RAB6A: variants seen among roughly 807,000 people sequenced by gnomAD.
The protein encoded by RAB6A is RAB6A, member RAS oncogene family.
In RAB6A, 8 loss-of-function variants were observed where a neutral mutation model predicts 32.3. The ratio of observed to expected loss-of-function variants is 0.25; its 90% CI spans 0.15 to 0.45. The LOEUF (loss-of-function observed/expected upper bound fraction) is 0.45, where lower values mean the gene tolerates loss of function less well. Ranked by LOEUF, RAB6A falls within the 20% of genes least tolerant of loss-of-function variation. The pLI is 1.00. For missense variants in RAB6A, 104 were observed against 249.4 expected (o/e 0.42, Z 3.93); for synonymous variants, 73 against 82.1 (o/e 0.89, Z 0.60).
At chr11:73,695,379 G>GT (rs71469463) in intron 6 of RAB6A, among the ~76,000 whole-genome samples, 88,858 of 147,146 alleles carry the variant, frequency 0.6, 28,173 homozygotes, top group Admixed American at 0.71. Flanking sequence ...CAGTTTTTTT[G>GT]TTTTTTTTTT....
chr11:73,691,359 G>A (rs1945559817), intron 6 of RAB6A, among the ~76,000 whole-genome samples: 1 of 152,090 alleles, frequency 6.6e-6, no homozygotes, highest in Non-Finnish European at 1.5e-5. Flanking sequence ...TTTTTTGTAG[G>A]GATGGGGGTC....
intron 6 of RAB6A, among the ~76,000 whole-genome samples, chr11:73,707,169 T>C (rs1051280461): frequency 1.5e-4 from 22 of 145,092 alleles, no homozygotes; most frequent in African/African-American, 5.1e-4. Context: ...TTTAAAGCAA[T>C]GTAGTAGGAA....
In RAB6A at chr11:73,747,501, G is replaced by A. The variant is rs1028325778; in HGVS notation, c.70+13065C>T. On this transcript the variant is annotated intron_variant, in intron 1 of 7. Coordinates refer to ENST00000336083, the MANE Select transcript of RAB6A (RefSeq NM_198896.2). ...ATTACAGCTGTGAGACACCATGCCC[G>A]GCCAGCCTCTAAGATAAAATCTTAC... 1.5e-4 allele frequency among the ~76,000 whole-genome samples: 21 copies of A among 139,370 alleles called. No individual in the cohort carries two copies. The East Asian group carries it at 4.3e-3, about 28-fold the overall frequency. 91.4% of individuals were successfully genotyped at this position (139,370 alleles called of 152,430 possible). A position where few individuals can be genotyped will look rare whatever the true frequency, so the allele number is the denominator to read the frequency against.
At chr11:73,711,623 A>C (rs1412523296) in intron 5 of RAB6A, among the ~76,000 whole-genome samples, 4 of 152,244 alleles carry the variant, frequency 2.6e-5, no homozygotes, top group African/African-American at 9.6e-5. Flanking sequence ...TTACCAGTGT[A>C]TCTTGAGGAG....
At chr11:73,730,741 A>C (rs1182539074) in intron 2 of RAB6A, 24 bp downstream of exon 2, 1 of 1,567,626 alleles carries the variant, frequency 6.4e-7, no homozygotes, top group Non-Finnish European at 8.7e-7. Context: ...ATAGACAACA[A>C]ATAAATTGGC....
intron 6 of RAB6A, among the ~76,000 whole-genome samples, chr11:73,704,787 G>A (rs1945808049): frequency 6.6e-6 from 1 of 151,752 alleles, no homozygotes; most frequent in African/African-American, 2.4e-5. Context: ...ACGAGGTCAG[G>A]AGATCGAGAC....
At chr11:73,733,019 G>A (rs112016647) in intron 1 of RAB6A, among the ~76,000 whole-genome samples, 19,003 of 151,762 alleles carry the variant, frequency 0.13, 1,292 homozygotes, top group Admixed American at 0.16. Flanking sequence ...CACTATGTTC[G>A]CCTGGCTGGT....
chr11:73,682,151 G>A (rs1034039987), intron 6 of RAB6A, among the ~76,000 whole-genome samples: 2 of 152,054 alleles, frequency 1.3e-5, no homozygotes, highest in African/African-American at 4.8e-5. Context: ...GTGAATATTA[G>A]GTTTGAAACA....
intron 1 of RAB6A, among the ~76,000 whole-genome samples, chr11:73,731,728 A>ATATATATG (rs1446419408): frequency 1.2e-4 from 1 of 8,556 alleles, no homozygotes; most frequent in African/African-American, 3.4e-4. Context: ...ATATATATAT[A>ATATATATG]TATACACACA....
At chr11:73,742,532 C>T (rs535654433) in intron 1 of RAB6A, among the ~76,000 whole-genome samples, 1 of 152,284 alleles carries the variant, frequency 6.6e-6, no homozygotes, top group South Asian at 2.1e-4. Context: ...GAAAAATGGG[C>T]CAGGCGTGGT....
chr11:73,717,715 A>T (rs766585511), intron 4 of RAB6A, among the ~76,000 whole-genome samples: 6 of 152,188 alleles, frequency 3.9e-5, no homozygotes, highest in Non-Finnish European at 7.3e-5. Context: ...AAATATGGGG[A>T]TTTCCGGCGT....
At chr11:73,760,074 G>A in intron 1 of RAB6A, 3 of 1,290,006 alleles carry the variant, frequency 2.3e-6, no homozygotes, top group Non-Finnish European at 3.0e-6. Flanking sequence ...ACTTCGCAGG[G>A]CCAAGCCTCT....
chr11:73,704,232 A>T, intron 6 of RAB6A: 1 of 429,788 alleles, frequency 2.3e-6, no homozygotes, highest in Non-Finnish European at 4.7e-6. Flanking sequence ...AAAAATTAAA[A>T]ATTAGCTGGG....
intron 5 of RAB6A, among the ~76,000 whole-genome samples, chr11:73,709,219 A>G (rs1034389863): frequency 2.0e-5 from 3 of 152,012 alleles, no homozygotes; most frequent in Non-Finnish European, 4.4e-5. Flanking sequence ...ATTCTTGTCA[A>G]TTATCCCAAT....
intron 6 of RAB6A, among the ~76,000 whole-genome samples, chr11:73,705,660 T>C (rs1006601811): frequency 1.1e-4 from 17 of 152,120 alleles, no homozygotes; most frequent in African/African-American, 3.9e-4. Context: ...GCTAATATAA[T>C]GGTATTACAC....
At chr11:73,692,429 G>A (rs959702423) in intron 6 of RAB6A, among the ~76,000 whole-genome samples, 17 of 148,324 alleles carry the variant, frequency 1.1e-4, no homozygotes, top group African/African-American at 4.0e-4. Flanking sequence ...CGTGAACCCG[G>A]GAGGCGGAGC....
chr11:73,710,162 T>A (rs952358271), intron 5 of RAB6A, among the ~76,000 whole-genome samples: 16 of 148,848 alleles, frequency 1.1e-4, no homozygotes, highest in Admixed American at 1.0e-3. Flanking sequence ...GAGACGGGGT[T>A]TCACCGTGTT....
At chr11:73,681,865 A>T (rs930343057) in intron 6 of RAB6A, among the ~76,000 whole-genome samples, 30 of 152,174 alleles carry the variant, frequency 2.0e-4, no homozygotes, top group African/African-American at 6.5e-4. Flanking sequence ...TTGATCTGGT[A>T]GACAAAAGCC....
At position 73,677,734 on chromosome 11, in the gene RAB6A, G is replaced by A; in HGVS notation, c.*164C>T. The A allele has an allele frequency of 6.8e-7, 1 of 1,462,194 alleles. No individual in the cohort carries two copies. Among genetic ancestry groups the A allele is most frequent in the East Asian group, 2.3e-5 (1 of 43,026 alleles). 90.6% of individuals were successfully genotyped at this position (1,462,194 alleles called of 1,614,324 possible). A position where few individuals can be genotyped will look rare whatever the true frequency, so the allele number is the denominator to read the frequency against. On this transcript the variant is annotated 3_prime_UTR_variant, in exon 8 of 8. Coordinates refer to ENST00000336083, the MANE Select transcript of RAB6A (RefSeq NM_198896.2). Reference sequence around the variant, plus strand: ...GAAGACACTGACTTTTGTTGTGCTTGTGAAGCTAATAGATCATCTCCACGA... The same window carrying A: ...GAAGACACTGACTTTTGTTGTGCTTATGAAGCTAATAGATCATCTCCACGA...
Sources: allele counts gnomAD v4.1 joint callset (sites outside exome capture counted in the v4.1 genomes callset), GRCh38; gene constraint gnomAD v4.1.1; transcripts MANE v1.5; gene names NCBI Gene and HGNC (gene_info 2026-07-23, HGNC 2026-07-21).